The following CPNE1 variants were observed in gnomAD, a reference collection of about 807,000 sequenced individuals.
CPNE1 encodes the protein copine-1.
In CPNE1, 58 loss-of-function variants were observed where a neutral mutation model predicts 63.2. The ratio of observed to expected loss-of-function variants is 0.92; its 90% CI spans 0.74 to 1.14. CPNE1 has a LOEUF of 1.14. CPNE1 is among the 50% of genes most tolerant of loss of function. CPNE1 has a pLI of 0.00. For synonymous variants in CPNE1, 237 were observed against 249.0 expected, an observed-to-expected ratio of 0.95 and a Z score of 0.45; for missense variants, 672 against 661.7, an observed-to-expected ratio of 1.02 and a Z score of -0.17.
chr20:35,654,465 G>C lies in CPNE1; in HGVS notation c.-1+10295C>G, dbSNP rs1318040365. Reference sequence around the variant, plus strand: ...TCACACTGCTCTGAGAGTTCATCTGGATAGGGTTAACAGGATTCAACGGAC... The same window carrying C: ...TCACACTGCTCTGAGAGTTCATCTGCATAGGGTTAACAGGATTCAACGGAC... On this transcript the variant is annotated intron_variant, in intron 1 of 15. Coordinates refer to ENST00000397443, the MANE Select transcript of CPNE1 (RefSeq NM_152925.3). The C allele has an allele frequency of 1.9e-6, 3 of 1,614,062 alleles. No individual in the cohort carries two copies. The African/African-American group carries it at 4.0e-5, about 22-fold the overall frequency.
At position 35,630,715 on chromosome 20, in the gene CPNE1, G is replaced by C. The variant is rs369953429; in HGVS notation, c.1050+26C>G. The C allele has an allele frequency of 1.7e-5, 28 of 1,612,630 alleles. No homozygotes were observed. The African/African-American group carries it at 3.6e-4, about 21-fold the overall frequency. On this transcript the variant is annotated intron_variant, in intron 12 of 15. Transcript: ENST00000397443. Reference sequence around the variant, plus strand: ...ATCAGGACCCTGAAACTGAAAACAGGAGTGGCAGAAAGAGAGGGAGCTCAC... The same window carrying C: ...ATCAGGACCCTGAAACTGAAAACAGCAGTGGCAGAAAGAGAGGGAGCTCAC...
intron 1 of CPNE1, chr20:35,659,020 A>G: frequency 1.4e-6 from 1 of 717,074 alleles, no homozygotes; most frequent in Non-Finnish European, 2.6e-6. Context: ...TTAGACTGCA[A>G]TAGAGAATAA....
At position 35,626,379 on chromosome 20, in the gene CPNE1, G is replaced by A; in HGVS notation, c.1476C>T (p.Ala492=). The A allele has an allele frequency of 6.2e-7, 1 of 1,613,690 alleles. No individual in the cohort carries two copies. Among genetic ancestry groups the A allele is most frequent in the Non-Finnish European group, 8.5e-7 (1 of 1,179,702 alleles). Residue 492 remains alanine, a splice_region_variant and synonymous_variant, in exon 16 of 16, where the codon GCC becomes GCT. Transcript: ENST00000397443. ...CGGTCTGTGCCAATGCCTCCCGAGGGGCCTGCCAAGAAAAGGGAAAAGTCA... is the reference window on the plus strand; with the variant it reads ...CGGTCTGTGCCAATGCCTCCCGAGGAGCCTGCCAAGAAAAGGGAAAAGTCA... ...QFVPYRRFQN[A]PREALAQTVL... is the part of the protein sequence containing the mutation.
chr20:35,650,209 T>TA (rs138194248), intron 1 of CPNE1: 2 of 152,606 alleles, frequency 1.3e-5, no homozygotes, highest in East Asian at 3.9e-4. Context: ...ATATAAAACA[T>TA]AGTTCTCTCC....
chr20:35,626,490 T>A (rs1452934477), intron 15 of CPNE1, 77 bp downstream of exon 15: 12 of 1,587,230 alleles, frequency 7.6e-6, no homozygotes, highest in South Asian at 5.6e-5. Context: ...AAGGTGAGCA[T>A]CCCTTGGGCC....
Position 35,632,675 on chromosome 20 carries a change from G to A in CPNE1, c.151C>T (p.Arg51Trp), listed in dbSNP as rs189152020. Residue 51 changes from arginine to tryptophan, a missense_variant, in exon 3 of 16, where the codon CGG becomes TGG. Coordinates refer to ENST00000397443, the MANE Select transcript of CPNE1 (RefSeq NM_152925.3). Reference protein sequence around the residue: ...WAELGRTERVRNCSSPEFSKT... With the variant: ...WAELGRTERVWNCSSPEFSKT... ...GAGAACTCAGGGCTTGAGCAGTTCC[G>A]CACCCGTTCAGTCCGGCCAAGCTGT... 2.1e-5 allele frequency: 24 copies of A among 1,148,446 alleles called. No homozygotes were observed. Among genetic ancestry groups the A allele is most frequent in the Admixed American group, 1.5e-4 (9 of 59,456 alleles). 71.1% of individuals were successfully genotyped at this position (1,148,446 alleles called of 1,614,324 possible). A position where few individuals can be genotyped will look rare whatever the true frequency, so the allele number is the denominator to read the frequency against.
At chr20:35,653,730 C>A in intron 1 of CPNE1, 4 of 1,614,210 alleles carry the variant, frequency 2.5e-6, no homozygotes, top group Non-Finnish European at 3.4e-6. Context: ...GATTTAGTAT[C>A]ATTTCCCTCT....
chr20:35,629,926 T>C (rs928938512), intron 13 of CPNE1, among the ~76,000 whole-genome samples: 22 of 151,932 alleles, frequency 1.4e-4, no homozygotes, highest in African/African-American at 5.3e-4. Context: ...CGCAACTGAG[T>C]GCTAGGATTA....
At chr20:35,645,580 G>C (rs2033054126) in intron 1 of CPNE1, among the ~76,000 whole-genome samples, 1 of 152,216 alleles carries the variant, frequency 6.6e-6, no homozygotes, top group Admixed American at 6.5e-5. Context: ...CTGTTAGTAT[G>C]AGATACAGCT....
chr20:35,650,615 CA>C (rs1344135666), intron 1 of CPNE1: 2 of 152,680 alleles, frequency 1.3e-5, no homozygotes, highest in East Asian at 3.9e-4. Context: ...TCGGTCAAAG[CA>C]AATCTGTATT....
At chr20:35,631,452 C>T in intron 8 of CPNE1, 40 bp downstream of exon 8, 1 of 1,606,644 alleles carries the variant, frequency 6.2e-7, no homozygotes, top group South Asian at 1.1e-5. Flanking sequence ...CTTCAGCTAT[C>T]TAGGCCCATT....
chr20:35,648,755 T>C (rs1479327836), intron 1 of CPNE1, among the ~76,000 whole-genome samples: 1 of 152,212 alleles, frequency 6.6e-6, no homozygotes, highest in Non-Finnish European at 1.5e-5. Context: ...GTTCCAAGTA[T>C]CCTCTTCTCT....
chr20:35,647,990 A>G (rs1294674599), intron 1 of CPNE1, among the ~76,000 whole-genome samples: 1 of 151,182 alleles, frequency 6.6e-6, no homozygotes, highest in Non-Finnish European at 1.5e-5. Flanking sequence ...GCTTGAACCC[A>G]GGAGGTGGAG....
At chr20:35,638,812 T>A (rs958560572) in intron 1 of CPNE1, among the ~76,000 whole-genome samples, 3 of 152,230 alleles carry the variant, frequency 2.0e-5, no homozygotes, top group Admixed American at 2.0e-4. Context: ...AATCTATTAG[T>A]ATCTGTAACA....
At chr20:35,653,797 C>T in intron 1 of CPNE1, 1 of 1,613,898 alleles carries the variant, frequency 6.2e-7, no homozygotes, top group Non-Finnish European at 8.5e-7. Context: ...TTCTAGCATA[C>T]CTTTCTTAGT....
At chr20:35,652,423 A>G (rs576987892) in intron 1 of CPNE1, 1 of 1,380,350 alleles carries the variant, frequency 7.2e-7, no homozygotes, top group Non-Finnish European at 9.8e-7. Context: ...TATGCAATTG[A>G]AACAATCCAC....
rs185752148 is a variant in CPNE1 at position 35,642,863 on chromosome 20, C to A, written c.1-9940G>T. On this transcript the variant is annotated intron_variant, in intron 1 of 15. Coordinates refer to ENST00000397443, the MANE Select transcript of CPNE1 (RefSeq NM_152925.3). ...CAGGCTGACACAAAGTATTTGGCAA[C>A]ACTACAAAGCTTAACATGTGCACAC... 2.6e-5 allele frequency among the ~76,000 whole-genome samples: 4 copies of A among 152,208 alleles called. No homozygotes were observed. In the East Asian group the frequency reaches 7.7e-4, roughly 29 times the overall value.
At chr20:35,663,555 T>C (rs2034352053) in intron 1 of CPNE1, among the ~76,000 whole-genome samples, 1 of 152,162 alleles carries the variant, frequency 6.6e-6, no homozygotes, top group Non-Finnish European at 1.5e-5. Flanking sequence ...TACCAACTTC[T>C]TCAATTTATA....
chr20:35,652,649 C>A, intron 1 of CPNE1: 1 of 1,614,168 alleles, frequency 6.2e-7, no homozygotes, highest in African/African-American at 1.3e-5. Flanking sequence ...ATACCTTTTT[C>A]ATTGTATTTT....
Sources: allele counts gnomAD v4.1 joint callset (sites outside exome capture counted in the v4.1 genomes callset), GRCh38; gene constraint gnomAD v4.1.1; transcripts MANE v1.5; gene names NCBI Gene and HGNC (gene_info 2026-07-23, HGNC 2026-07-21).